The following MARCHF3 variants were observed in gnomAD, a reference collection of about 807,000 sequenced individuals.
MARCHF3 encodes the protein E3 ubiquitin-protein ligase MARCHF3.
In MARCHF3, 13 loss-of-function variants were observed where a neutral mutation model predicts 24.2. The observed-to-expected ratio is 0.54, with a 90% CI of 0.35 to 0.85. The LOEUF (loss-of-function observed/expected upper bound fraction) is 0.85, where lower values mean the gene tolerates loss of function less well. Among genes scored for constraint, MARCHF3 ranks in the 40% least tolerant of loss-of-function variants. The pLI, the probability that MARCHF3 is intolerant of heterozygous loss-of-function variation, is 0.01. For synonymous variants in MARCHF3, 144 were observed against 137.3 expected, an observed-to-expected ratio of 1.05 and a Z score of -0.34; for missense variants, 276 against 325.0, an observed-to-expected ratio of 0.85 and a Z score of 1.16.
intron 1 of MARCHF3, among the ~76,000 whole-genome samples, chr5:126,958,888 T>C (rs1471981747): frequency 6.6e-6 from 1 of 152,108 alleles, no homozygotes; most frequent in East Asian, 1.9e-4. Flanking sequence ...AGTGGAACAA[T>C]CTAAGTAACG....
intron 1 of MARCHF3, among the ~76,000 whole-genome samples, chr5:126,962,306 T>C (rs185343903): frequency 8.4e-4 from 128 of 152,226 alleles, no homozygotes; most frequent in Non-Finnish European, 1.4e-3. Context: ...CCCTGTGGGC[T>C]AGTCATTTCA....
chr5:126,890,689 G>A (rs1217582580), intron 3 of MARCHF3, among the ~76,000 whole-genome samples: 5 of 151,178 alleles, frequency 3.3e-5, no homozygotes, highest in Non-Finnish European at 7.4e-5. Flanking sequence ...GTCTATCATT[G>A]TTGGACATTT....
At chr5:126,962,479 C>T (rs79003423) in intron 1 of MARCHF3, among the ~76,000 whole-genome samples, 3,395 of 151,024 alleles carry the variant, frequency 0.022, 112 homozygotes, top group African/African-American at 0.079. Context: ...GCATCCCAAT[C>T]TGAAAATACA....
At chr5:126,912,078 A>C (rs915519383) in intron 3 of MARCHF3, among the ~76,000 whole-genome samples, 9 of 152,232 alleles carry the variant, frequency 5.9e-5, no homozygotes, top group Non-Finnish European at 1.2e-4. Flanking sequence ...TTGATTTGCC[A>C]TTATGAGTAG....
intron 1 of MARCHF3, among the ~76,000 whole-genome samples, chr5:126,945,294 T>C (rs1749972134): frequency 6.6e-6 from 1 of 152,184 alleles, no homozygotes; most frequent in Non-Finnish European, 1.5e-5. Flanking sequence ...CTGTTGAACA[T>C]TTACCAGAAC....
intron 1 of MARCHF3, among the ~76,000 whole-genome samples, chr5:126,998,069 C>T (rs1029605512): frequency 2.6e-5 from 4 of 152,202 alleles, no homozygotes; most frequent in African/African-American, 7.2e-5. Context: ...AATCATAAAA[C>T]AATCTGTTCA....
chr5:126,915,074 C>T lies in MARCHF3; in HGVS notation c.249G>A (p.Leu83=). ...ICHEGSSQED[L]LSPCECTGTL... The stretch of plus-strand genomic sequence containing the variant: ...TCCCTGTACATTCACATGGAGAGAG[C>T]AAGTCCTCTTGGCTGCTGCCCTCGT... The change falls in exon 3 of 5, where the codon TTG becomes TTA. Residue 83 remains leucine, a synonymous_variant. Transcript: ENST00000308660. 6.8e-6 allele frequency: 11 copies of T among 1,614,182 alleles called. No individual in the cohort carries two copies. Among genetic ancestry groups the T allele is most frequent in the Non-Finnish European group, 9.3e-6 (11 of 1,180,034 alleles).
intron 1 of MARCHF3, among the ~76,000 whole-genome samples, chr5:126,992,015 G>C (rs960408207): frequency 6.6e-6 from 1 of 152,144 alleles, no homozygotes; most frequent in African/African-American, 2.4e-5. Context: ...TAGCAGCTCT[G>C]GGAAAACAAT....
chr5:126,957,402 T>C (rs940144787), intron 1 of MARCHF3, among the ~76,000 whole-genome samples: 2 of 152,190 alleles, frequency 1.3e-5, no homozygotes, highest in Non-Finnish European at 2.9e-5. Flanking sequence ...TTTTCTGCAG[T>C]CTCTTCCATC....
chr5:126,869,369 C>G lies in MARCHF3; in HGVS notation c.*1264G>C, dbSNP rs1183453473. 6.6e-6 allele frequency: 1 copy of G among 152,200 alleles called. No individual in the cohort carries two copies. Among genetic ancestry groups the G allele is most frequent in the Non-Finnish European group, 1.5e-5 (1 of 68,020 alleles). The allele number at this position is 152,200 out of a possible 1,614,324, so 9.4% of individuals were successfully genotyped here. A position where few individuals can be genotyped will look rare whatever the true frequency, so the allele number is the denominator to read the frequency against. On this transcript the variant is annotated 3_prime_UTR_variant, in exon 5 of 5. Transcript: ENST00000308660. ...CCCAGCCAGCGCTCTCCTCAGAAGA[C>G]ATCCGCTCCTGCCTCGGTGCGCGCA...
intron 1 of MARCHF3, among the ~76,000 whole-genome samples, chr5:127,014,008 A>C (rs563409902): frequency 1.8e-3 from 277 of 152,328 alleles, no homozygotes; most frequent in Middle Eastern, 0.014. Context: ...TTTTATGATT[A>C]AGAACTCAAA....
At chr5:126,941,876 C>T (rs1436507916) in intron 1 of MARCHF3, among the ~76,000 whole-genome samples, 1 of 152,154 alleles carries the variant, frequency 6.6e-6, no homozygotes. Context: ...GAGGGTATCT[C>T]ATATCTAAGA....
At chr5:126,922,148 C>T (rs1385762504) in intron 1 of MARCHF3, among the ~76,000 whole-genome samples, 1 of 152,176 alleles carries the variant, frequency 6.6e-6, no homozygotes, top group African/African-American at 2.4e-5. Flanking sequence ...GGGAAGCAGG[C>T]TCTGCTCACC....
chr5:126,991,346 A>G (rs1751752792), intron 1 of MARCHF3, among the ~76,000 whole-genome samples: 1 of 152,188 alleles, frequency 6.6e-6, no homozygotes, highest in African/African-American at 2.4e-5. Flanking sequence ...GGAACTGAAC[A>G]ATGAGATCAC....
chr5:127,016,629 G>T (rs1752645682), intron 1 of MARCHF3, among the ~76,000 whole-genome samples: 1 of 152,120 alleles, frequency 6.6e-6, no homozygotes, highest in South Asian at 2.1e-4. Flanking sequence ...GAGAGGATGT[G>T]GAGAAATAGG....
chr5:126,984,605 C>T (rs1419861068), intron 1 of MARCHF3, among the ~76,000 whole-genome samples: 2 of 152,208 alleles, frequency 1.3e-5, no homozygotes, highest in Non-Finnish European at 2.9e-5. Flanking sequence ...TCATGGGTCT[C>T]TTCTAGGATA....
chr5:127,015,222 T>C (rs574206690), intron 1 of MARCHF3, among the ~76,000 whole-genome samples: 7 of 152,282 alleles, frequency 4.6e-5, no homozygotes, highest in Non-Finnish European at 1.0e-4. Flanking sequence ...AGCTCAGAAG[T>C]ATATTTCATA....
At chr5:126,872,204 C>A (rs150492497) in intron 4 of MARCHF3, among the ~76,000 whole-genome samples, 2 of 150,776 alleles carry the variant, frequency 1.3e-5, no homozygotes, top group African/African-American at 4.9e-5. Flanking sequence ...CTCAGCCTCC[C>A]GAGTAGCCAC....
chr5:126,956,490 A>C lies in MARCHF3; in HGVS notation c.-56-38263T>G, dbSNP rs535701234. Among the ~76,000 whole-genome samples the C allele has an allele frequency of 9.2e-5, 14 of 151,704 alleles. No homozygotes were observed. In the East Asian group the frequency reaches 2.7e-3, roughly 29 times the overall value. On this transcript the variant is annotated intron_variant, in intron 1 of 4. Coordinates refer to ENST00000308660, the MANE Select transcript of MARCHF3 (RefSeq NM_178450.5). Reference sequence around the variant, plus strand: ...CTGTCTCTACTAAAAATACAAAAAAACAAAATTAGCCAGGTGTGGTGGCGG... The same window carrying C: ...CTGTCTCTACTAAAAATACAAAAAACCAAAATTAGCCAGGTGTGGTGGCGG...
Sources: allele counts gnomAD v4.1 joint callset (sites outside exome capture counted in the v4.1 genomes callset), GRCh38; gene constraint gnomAD v4.1.1; transcripts MANE v1.5; gene names NCBI Gene and HGNC (gene_info 2026-07-23, HGNC 2026-07-21).